Variants in MKNK2 observed in about 807,000 individuals in gnomAD.
MKNK2 encodes MAPK interacting serine/threonine kinase 2.
A neutral mutation model predicts 55.0 loss-of-function variants in MKNK2; 54 were observed. The ratio of observed to expected loss-of-function variants is 0.98; its 90% CI spans 0.79 to 1.23. The LOEUF (loss-of-function observed/expected upper bound fraction) is 1.23, where lower values mean the gene tolerates loss of function less well. MKNK2 is among the 50% of genes most tolerant of loss of function. The pLI is 0.00. For synonymous variants in MKNK2, 323 were observed against 256.0 expected (o/e 1.26, Z -2.50); for missense variants, 685 against 632.1 (o/e 1.08, Z -0.90).
At position 2,042,763 on chromosome 19, in the gene MKNK2, T is replaced by A. The variant is rs2016918619; in HGVS notation, c.598+3A>T. On this transcript the variant is annotated splice_donor_region_variant and intron_variant, in intron 8 of 13. Transcript: ENST00000250896. ...GGAGACTCCGGGCGGGGTCACCACCTACCTTTGTTATGCAGAAAGTCCAAG... is the reference window on the plus strand; with the variant it reads ...GGAGACTCCGGGCGGGGTCACCACCAACCTTTGTTATGCAGAAAGTCCAAG... 1 of 1,569,284 alleles carries A rather than the reference T, an allele frequency of 6.4e-7. No homozygotes were observed. The highest frequency in any genetic ancestry group is 8.7e-7 in the Non-Finnish European group (1 of 1,154,940).
intron 2 of MKNK2, among the ~76,000 whole-genome samples, chr19:2,049,883 G>A (rs553397356): frequency 5.9e-5 from 9 of 152,196 alleles, no homozygotes; most frequent in East Asian, 1.9e-4. Flanking sequence ...CTGGAGCACC[G>A]CGTTGTGTGT....
At chr19:2,042,336 G>A (rs2016906644) in intron 10 of MKNK2, 91 bp downstream of exon 10, 1 of 1,186,892 alleles carries the variant, frequency 8.4e-7, no homozygotes, top group Admixed American at 2.2e-5. Flanking sequence ...CGAGCTCCGC[G>A]GCCTGGAGCT....
Position 2,037,855 on chromosome 19 carries a change from C to G in MKNK2, c.*1758G>C. ...CTTCAGAAAAAAAAAAAAAAACAAA[C>G]AAACAAACGCTGCTAGCCACTCAGC... is the stretch of plus-strand genomic sequence containing the variant. On this transcript the variant is annotated 3_prime_UTR_variant, in exon 14 of 14. Transcript: ENST00000250896. The G allele has an allele frequency of 1.8e-5, 28 of 1,540,414 alleles. No homozygotes were observed. The highest frequency in any genetic ancestry group is 2.5e-5 in the Non-Finnish European group (28 of 1,138,052).
chr19:2,049,563 G>A (rs542363393), intron 2 of MKNK2, among the ~76,000 whole-genome samples: 13 of 152,310 alleles, frequency 8.5e-5, no homozygotes, highest in African/African-American at 3.1e-4. Flanking sequence ...ACTGTTCTAG[G>A]TCTGGCTGTG....
intron 2 of MKNK2, among the ~76,000 whole-genome samples, chr19:2,049,962 C>T (rs2017078542): frequency 6.6e-6 from 1 of 152,182 alleles, no homozygotes; most frequent in South Asian, 2.1e-4. Context: ...CTTCCTCTCT[C>T]CAGTCCTGCC....
rs1244739317 is a variant in MKNK2 at position 2,037,876 on chromosome 19, T to C, written c.*1737A>G. 6.5e-6 allele frequency: 10 copies of C among 1,533,130 alleles called. No homozygotes were observed. The South Asian group carries it at 1.1e-4, about 17-fold the overall frequency. The allele number at this position is 1,533,130 out of a possible 1,614,324, so 95.0% of individuals were successfully genotyped here. On this transcript the variant is annotated 3_prime_UTR_variant, in exon 14 of 14. Transcript: ENST00000250896. ...CAAACAAACAAACGCTGCTAGCCACTCAGCTTTAGAGACCCGATGGCTATG... is the reference window on the plus strand; with the variant it reads ...CAAACAAACAAACGCTGCTAGCCACCCAGCTTTAGAGACCCGATGGCTATG...
In MKNK2 at chr19:2,038,687, G is replaced by A. The variant is rs1013924727; in HGVS notation, c.*926C>T. 2.0e-6 allele frequency: 2 copies of A among 985,776 alleles called. No individual in the cohort carries two copies. 61.1% of individuals were successfully genotyped at this position (985,776 alleles called of 1,614,324 possible). Reference sequence around the variant, plus strand: ...GAGGGGCGGCGCGAGGCAGGACGTGGCTACGGTCAGACTGAGCCCTGAGAA... The same window carrying A: ...GAGGGGCGGCGCGAGGCAGGACGTGACTACGGTCAGACTGAGCCCTGAGAA... On this transcript the variant is annotated 3_prime_UTR_variant, in exon 14 of 14. Coordinates refer to ENST00000250896, the MANE Select transcript of MKNK2 (RefSeq NM_199054.3).
rs891298620 is a variant in MKNK2, at chr19:2,050,802, T to C, written c.50A>G (p.Lys17Arg). The change falls in exon 2 of 14, where the codon AAG becomes AGG. Residue 17 changes from lysine to arginine, a missense_variant and splice_region_variant. Lys to Arg is a conservative substitution (Grantham distance 26). Transcript: ENST00000250896. Reference sequence around the variant, plus strand: ...CCCCAAACCGACCCCGGGCCTCACCTTGAACGAACGGTGGAAACCCTGAAG... The same window carrying C: ...CCCCAAACCGACCCCGGGCCTCACCCTGAACGAACGGTGGAAACCCTGAAG... ...AELQGFHRSF[K>R]GQNPFELAFS... 9 of 1,537,294 alleles carry C rather than the reference T, an allele frequency of 5.9e-6. No individual in the cohort carries two copies. The highest frequency in any genetic ancestry group is 2.8e-5 in the African/African-American group (2 of 70,660).
intron 13 of MKNK2, 121 bp downstream of exon 13, chr19:2,040,013 A>C: frequency 2.9e-6 from 4 of 1,386,504 alleles, no homozygotes; most frequent in African/African-American, 2.9e-5. Flanking sequence ...AGCTTCACTG[A>C]GTCACCAGGC....
rs1599380866 is a variant in MKNK2, at chr19:2,042,282, G to A, written c.750+145C>T. On this transcript the variant is annotated intron_variant, in intron 10 of 13. Transcript: ENST00000250896. ...GGGCGCCTGCTCGAGGCCCCGCCGC[G>A]ACACCCCGCCCAACCAATCAGCGGC... is the stretch of plus-strand genomic sequence containing the variant. The A allele has an allele frequency of 7.3e-6, 6 of 826,216 alleles. No individual in the cohort carries two copies. The East Asian group carries it at 8.5e-5, about 12-fold the overall frequency. 51.2% of individuals were successfully genotyped at this position (826,216 alleles called of 1,614,324 possible). A position where few individuals can be genotyped will look rare whatever the true frequency, so the allele number is the denominator to read the frequency against.
At chr19:2,039,885 A>G in intron 13 of MKNK2, 29 bp from the exon 14 acceptor site, 1 of 1,574,400 alleles carries the variant, frequency 6.4e-7, no homozygotes, top group East Asian at 2.3e-5. Flanking sequence ...GTAGGTGGTC[A>G]CCAAGAGGCA....
rs139681671 is a variant in MKNK2 at position 2,046,460 on chromosome 19, C to A, written c.148G>T (p.Ala50Ser). 1 of 1,607,890 alleles carries A rather than the reference C, an allele frequency of 6.2e-7. No individual in the cohort carries two copies. The highest frequency in any genetic ancestry group is 1.7e-5 in the Admixed American group (1 of 59,892). The change falls in exon 4 of 14, where the codon GCC becomes TCC. Residue 50 changes from alanine (A) to serine (S), a missense_variant. Transcript: ENST00000250896. ...TCCGGGATGTCAATGGGCTGGCTGGCGGGCATGTCTGTTCCAGGAGGCACG... is the reference window on the plus strand; with the variant it reads ...TCCGGGATGTCAATGGGCTGGCTGGAGGGCATGTCTGTTCCAGGAGGCACG... ...LQCSARPDMP[A>S]SQPIDIPDAK...
At position 2,050,946 on chromosome 19, in the gene MKNK2, C is replaced by T. The variant is rs2017105407; in HGVS notation, c.-95G>A. On this transcript the variant is annotated splice_region_variant and 5_prime_UTR_variant, in exon 2 of 14. Transcript: ENST00000250896. ...GGGCGGGGGGCGGCCGAGGAGGGGA[C>T]CCTGCGGGCGGGAGCAGACAAAGGG... The T allele has an allele frequency of 2.5e-6, 2 of 811,116 alleles. No individual in the cohort carries two copies. Among genetic ancestry groups the T allele is most frequent in the Non-Finnish European group, 3.6e-6 (2 of 550,270 alleles). 50.2% of individuals were successfully genotyped at this position (811,116 alleles called of 1,614,324 possible).
Position 2,037,521 on chromosome 19 carries a change from C to T in MKNK2, c.*2092G>A, listed in dbSNP as rs1012196863. 2.1e-5 allele frequency: 8 copies of T among 383,356 alleles called. No homozygotes were observed. Among genetic ancestry groups the T allele is most frequent in the South Asian group, 1.1e-4 (1 of 9,128 alleles). The allele number at this position is 383,356 out of a possible 1,614,324, so 23.7% of individuals were successfully genotyped here. ...CTTTACAAAACAGAATACAAAATTC[C>T]GGCATTGACAGTTGGTGTAAAGGAA... On this transcript the variant is annotated 3_prime_UTR_variant, in exon 14 of 14. Transcript: ENST00000250896.
rs761842021 is a variant in MKNK2, at chr19:2,037,842, A to AC, written c.*1770_*1771insG. The AC allele has an allele frequency of 3.0e-5, 48 of 1,578,906 alleles. No homozygotes were observed. The South Asian group carries it at 3.4e-4, about 11-fold the overall frequency. On this transcript the variant is annotated 3_prime_UTR_variant, in exon 14 of 14. Coordinates refer to ENST00000250896, the MANE Select transcript of MKNK2 (RefSeq NM_199054.3). The stretch of plus-strand genomic sequence containing the variant: ...GTGACTGTCCCACCTTCAGAAAAAA[A>AC]AAAAAAAACAAACAAACAAACGCTG...
chr19:2,040,494 C>T (rs2016853021), intron 12 of MKNK2: 1 of 411,432 alleles, frequency 2.4e-6, no homozygotes. Context: ...CTCCGCCCCC[C>T]TCTTAACCCA....
At position 2,041,195 on chromosome 19, in the gene MKNK2, A is replaced by G; in HGVS notation, c.955T>C (p.Phe319Leu). The change falls in exon 12 of 14, where the codon TTT (phenylalanine) becomes CTT (leucine). Residue 319 changes from phenylalanine (F) to leucine (L), a missense_variant. Physicochemically the swap from Phe to Leu is conservative, Grantham distance 22 (BLOSUM62 0). Coordinates refer to ENST00000250896, the MANE Select transcript of MKNK2 (RefSeq NM_199054.3). The part of the protein sequence containing the change: ...EACPACQNML[F>L]ESIQEGKYEF... Reference sequence around the variant, plus strand: ...TACTTGCCCTCCTGGATGCTCTCAAACAGCATGTTCTGGGGACATAGAACA... The same window carrying G: ...TACTTGCCCTCCTGGATGCTCTCAAGCAGCATGTTCTGGGGACATAGAACA... 2 of 1,613,084 alleles carry G rather than the reference A, an allele frequency of 1.2e-6. No individual in the cohort carries two copies. Among genetic ancestry groups the G allele is most frequent in the South Asian group, 1.1e-5 (1 of 90,986 alleles).
Position 2,042,296 on chromosome 19 carries a change from C to T in MKNK2, c.750+131G>A, listed in dbSNP as rs988951681. The T allele has an allele frequency of 7.9e-6, 7 of 882,200 alleles. No homozygotes were observed. In the Admixed American group the frequency reaches 1.0e-4, roughly 13 times the overall value. 54.6% of individuals were successfully genotyped at this position (882,200 alleles called of 1,614,324 possible). A position where few individuals can be genotyped will look rare whatever the true frequency, so the allele number is the denominator to read the frequency against. Reference sequence around the variant, plus strand: ...GGCCCCGCCGCGACACCCCGCCCAACCAATCAGCGGCTGTTGCTAGGCGGA... The same window carrying T: ...GGCCCCGCCGCGACACCCCGCCCAATCAATCAGCGGCTGTTGCTAGGCGGA... On this transcript the variant is annotated intron_variant, in intron 10 of 13. Coordinates refer to ENST00000250896, the MANE Select transcript of MKNK2 (RefSeq NM_199054.3).
In MKNK2 at chr19:2,040,124, C is replaced by T. The variant is rs539884690; in HGVS notation, c.1154+10G>A. 4.3e-5 allele frequency: 69 copies of T among 1,588,012 alleles called. No individual in the cohort carries two copies. The East Asian group carries it at 5.0e-4, about 12-fold the overall frequency. ...GACTCAGGGGTCCCGAGCACCCCTGCGGGCCTTACCTCTGCAGGACCATGG... is the reference window on the plus strand; with the variant it reads ...GACTCAGGGGTCCCGAGCACCCCTGTGGGCCTTACCTCTGCAGGACCATGG... On this transcript the variant is annotated intron_variant, in intron 13 of 13. Coordinates refer to ENST00000250896, the MANE Select transcript of MKNK2 (RefSeq NM_199054.3).
Sources: allele counts gnomAD v4.1 joint callset (sites outside exome capture counted in the v4.1 genomes callset), GRCh38; gene constraint gnomAD v4.1.1; transcripts MANE v1.5; gene names NCBI Gene and HGNC (gene_info 2026-07-23, HGNC 2026-07-21).